The following TMEM132D variants were observed in gnomAD, a reference collection of about 807,000 sequenced individuals.
TMEM132D encodes the protein transmembrane protein 132D.
TMEM132D carries 21 observed loss-of-function variants against 62.3 expected under a neutral mutation model. That is an observed-to-expected ratio of 0.34 (90% CI 0.24 to 0.49). The LOEUF (loss-of-function observed/expected upper bound fraction) is 0.49, where lower values mean the gene tolerates loss of function less well. Ranked by LOEUF, TMEM132D falls within the 20% of genes least tolerant of loss-of-function variation. The pLI is 0.99. For missense variants in TMEM132D, 1,346 were observed against 1,402.8 expected (o/e 0.96, Z 0.65); for synonymous variants, 621 against 575.6 (o/e 1.08, Z -1.13).
intron 2 of TMEM132D, among the ~76,000 whole-genome samples, chr12:129,598,636 C>A (rs1331448479): frequency 6.6e-6 from 1 of 152,050 alleles, no homozygotes; most frequent in Admixed American, 6.6e-5. Context: ...ATACTACAAT[C>A]CTAATAAATA....
intron 1 of TMEM132D, among the ~76,000 whole-genome samples, chr12:129,763,743 T>C (rs2398489): frequency 0.95 from 143,804 of 151,948 alleles, 68,332 homozygotes; most frequent in Non-Finnish European, 1. Flanking sequence ...ACAGTCACCA[T>C]GGACCCCCAA....
chr12:129,287,918 T>C (rs895916415), intron 4 of TMEM132D, among the ~76,000 whole-genome samples: 2 of 152,244 alleles, frequency 1.3e-5, no homozygotes, highest in Admixed American at 6.5e-5. Flanking sequence ...TCTGTCTTCA[T>C]GCCAGAGACA....
At chr12:129,167,831 G>A (rs1490147442) in intron 5 of TMEM132D, among the ~76,000 whole-genome samples, 1 of 152,026 alleles carries the variant, frequency 6.6e-6, no homozygotes, top group East Asian at 1.9e-4. Context: ...TAAGATATGG[G>A]AGCTCCAGGA....
chr12:129,406,658 C>A (rs763113922), intron 3 of TMEM132D, among the ~76,000 whole-genome samples: 11 of 151,878 alleles, frequency 7.2e-5, no homozygotes, highest in Non-Finnish European at 1.5e-4. Context: ...TGGGTACACA[C>A]ATACACACCA....
intron 1 of TMEM132D, among the ~76,000 whole-genome samples, chr12:129,743,854 T>C (rs1869687591): frequency 6.6e-6 from 1 of 152,172 alleles, no homozygotes; most frequent in Non-Finnish European, 1.5e-5. Context: ...CTCTAGAAGC[T>C]GAAAACAGCA....
chr12:129,138,645 CGGGA>C (rs1049414820), intron 5 of TMEM132D, among the ~76,000 whole-genome samples: 1 of 152,134 alleles, frequency 6.6e-6, no homozygotes, highest in African/African-American at 2.4e-5. Flanking sequence ...TGCTTGAACC[CGGGA>C]GGCAAAGGTT....
chr12:129,148,449 C>T (rs113718270), intron 5 of TMEM132D, among the ~76,000 whole-genome samples: 94 of 152,138 alleles, frequency 6.2e-4, no homozygotes, highest in Non-Finnish European at 1.1e-3. Context: ...TCAGAGAAAA[C>T]GGAGTAGGCT....
chr12:129,859,490 TATA>T (rs759296574), intron 1 of TMEM132D, among the ~76,000 whole-genome samples: 9 of 152,230 alleles, frequency 5.9e-5, no homozygotes, highest in Non-Finnish European at 1.0e-4. Flanking sequence ...GAAGGATGCC[TATA>T]ATACTTTGCA....
At chr12:129,568,885 A>G (rs1023890556) in intron 2 of TMEM132D, among the ~76,000 whole-genome samples, 1 of 152,208 alleles carries the variant, frequency 6.6e-6, no homozygotes, top group Admixed American at 6.5e-5. Flanking sequence ...ATAGGGGCAC[A>G]ATCTCCACTC....
chr12:129,164,501 C>A (rs1877485690), intron 5 of TMEM132D, among the ~76,000 whole-genome samples: 1 of 152,200 alleles, frequency 6.6e-6, no homozygotes, highest in Admixed American at 6.5e-5. Context: ...TGTATTGGTC[C>A]ATTTTCATAC....
At chr12:129,841,726 T>C (rs1873199430) in intron 1 of TMEM132D, among the ~76,000 whole-genome samples, 1 of 152,184 alleles carries the variant, frequency 6.6e-6, no homozygotes, top group Non-Finnish European at 1.5e-5. Flanking sequence ...GCTAAAATAT[T>C]AATTGTATTT....
intron 1 of TMEM132D, among the ~76,000 whole-genome samples, chr12:129,768,197 T>C (rs1870616386): frequency 6.6e-6 from 1 of 152,178 alleles, no homozygotes; most frequent in Non-Finnish European, 1.5e-5. Flanking sequence ...CAAATTTCTC[T>C]TTGAGATTCT....
At chr12:129,473,324 GTTTTTTTT>G (rs751523415) in intron 3 of TMEM132D, among the ~76,000 whole-genome samples, 1 of 81,550 alleles carries the variant, frequency 1.2e-5, no homozygotes, top group African/African-American at 4.8e-5. Context: ...TTTAGTTTTT[GTTTTTTTT>G]TTTTTTTTTT....
At chr12:129,699,625 A>G (rs749464278) in intron 2 of TMEM132D, among the ~76,000 whole-genome samples, 185 bp downstream of exon 2, 36 of 152,170 alleles carry the variant, frequency 2.4e-4, no homozygotes, top group Non-Finnish European at 4.4e-5. Context: ...TATTCTCACA[A>G]CCCAATTGCC....
At chr12:129,859,634 C>T (rs557743113) in intron 1 of TMEM132D, among the ~76,000 whole-genome samples, 4 of 152,268 alleles carry the variant, frequency 2.6e-5, no homozygotes, top group East Asian at 1.9e-4. Flanking sequence ...CAGCTGCCAA[C>T]GCGGCTAGAA....
chr12:129,185,234 C>A (rs536152834), intron 5 of TMEM132D, among the ~76,000 whole-genome samples: 2 of 152,120 alleles, frequency 1.3e-5, no homozygotes, highest in East Asian at 1.9e-4. Context: ...GCGTGAGGAC[C>A]CTGGCATTCC....
intron 3 of TMEM132D, among the ~76,000 whole-genome samples, chr12:129,368,783 A>G (rs1870505172): frequency 6.6e-6 from 1 of 151,846 alleles, no homozygotes; most frequent in Admixed American, 6.6e-5. Context: ...AAAAAAACCC[A>G]AAAGGCTCTG....
intron 4 of TMEM132D, among the ~76,000 whole-genome samples, chr12:129,237,543 AG>A (rs1879818234): frequency 6.6e-6 from 1 of 152,152 alleles, no homozygotes; most frequent in South Asian, 2.1e-4. Flanking sequence ...TAAATTTCCC[AG>A]ATTTCTTTCT....
intron 1 of TMEM132D, among the ~76,000 whole-genome samples, chr12:129,770,871 C>T (rs1224434942): frequency 6.6e-6 from 1 of 152,214 alleles, no homozygotes; most frequent in African/African-American, 2.4e-5. Context: ...ATGTGTACTG[C>T]TTTTGCACCA....
Sources: gnomAD v4.1 joint callset for allele counts (sites outside exome capture counted in the v4.1 genomes callset) on GRCh38, gnomAD v4.1.1 for gene constraint, MANE v1.5 for transcripts, NCBI Gene and HGNC (gene_info 2026-07-23, HGNC 2026-07-21) for gene names.